The following NLGN1 variants were observed in gnomAD, a reference collection of about 807,000 sequenced individuals.
NLGN1 encodes the protein neuroligin-1.
NLGN1 carries 12 observed loss-of-function variants against 65.5 expected under a neutral mutation model. That is an observed-to-expected ratio of 0.18 (90% CI 0.12 to 0.30). The LOEUF (loss-of-function observed/expected upper bound fraction) is 0.30, where lower values mean the gene tolerates loss of function less well. Ranked by LOEUF, NLGN1 falls within the 10% of genes least tolerant of loss-of-function variation. The probability of loss-of-function intolerance (pLI) is 1.00; values close to 1 mark genes in which losing one functional copy is unlikely to be tolerated. For missense variants in NLGN1, 750 were observed against 1,007.1 expected, an observed-to-expected ratio of 0.74 and a Z score of 3.46; for synonymous variants, 350 against 359.5, an observed-to-expected ratio of 0.97 and a Z score of 0.30.
At chr3:173,666,197 T>C (rs560370583) in intron 3 of NLGN1, among the ~76,000 whole-genome samples, 1 of 152,044 alleles carries the variant, frequency 6.6e-6, no homozygotes, top group African/African-American at 2.4e-5. Flanking sequence ...AGTAAATATA[T>C]ATATATATAA....
At chr3:174,159,857 G>C (rs2152718249) in intron 4 of NLGN1, among the ~76,000 whole-genome samples, 1 of 151,696 alleles carries the variant, frequency 6.6e-6, no homozygotes, top group Non-Finnish European at 1.5e-5. Context: ...CCTTCGCTAG[G>C]CATTTAACAA....
chr3:173,489,233 C>A (rs911112336), intron 2 of NLGN1, among the ~76,000 whole-genome samples: 8 of 152,012 alleles, frequency 5.3e-5, no homozygotes, highest in African/African-American at 1.9e-4. Flanking sequence ...ATCCCTCCCC[C>A]TTACCCCCAC....
chr3:173,739,577 G>A (rs1215441779), intron 3 of NLGN1, among the ~76,000 whole-genome samples: 1 of 151,908 alleles, frequency 6.6e-6, no homozygotes, highest in Admixed American at 6.6e-5. Flanking sequence ...AGTCCTCCTG[G>A]AAAAGGTACT....
intron 2 of NLGN1, among the ~76,000 whole-genome samples, chr3:173,564,780 C>T (rs1426661625): frequency 2.1e-4 from 32 of 152,172 alleles, no homozygotes. Context: ...TTATTATAGC[C>T]TAACTGAACT....
At chr3:174,054,810 T>C (rs1735689997) in intron 4 of NLGN1, among the ~76,000 whole-genome samples, 1 of 152,054 alleles carries the variant, frequency 6.6e-6, no homozygotes, top group Non-Finnish European at 1.5e-5. Context: ...ATGTCCGATC[T>C]TATTTCTGTG....
intron 4 of NLGN1, among the ~76,000 whole-genome samples, chr3:173,875,385 T>C (rs1292546474): frequency 6.6e-6 from 1 of 152,204 alleles, no homozygotes; most frequent in East Asian, 1.9e-4. Flanking sequence ...TCACTTTTAG[T>C]CTATTCATTT....
chr3:173,943,986 A>T (rs1366343293), intron 4 of NLGN1, among the ~76,000 whole-genome samples: 1 of 152,228 alleles, frequency 6.6e-6, no homozygotes, highest in African/African-American at 2.4e-5. Flanking sequence ...AGAAATGCAG[A>T]TAATGAGTGA....
intron 4 of NLGN1, among the ~76,000 whole-genome samples, chr3:174,075,092 A>T (rs77722262): frequency 6.6e-6 from 1 of 152,150 alleles, no homozygotes; most frequent in Admixed American, 6.6e-5. Flanking sequence ...TGGATGAGCT[A>T]TAGATGTTAT....
chr3:173,827,055 C>T (rs915161988), intron 4 of NLGN1, among the ~76,000 whole-genome samples: 29 of 152,056 alleles, frequency 1.9e-4, no homozygotes, highest in African/African-American at 6.8e-4. Flanking sequence ...GGAAAGAATG[C>T]TCTAAAATGG....
At chr3:173,683,134 G>A (rs1764201876) in intron 3 of NLGN1, among the ~76,000 whole-genome samples, 1 of 151,926 alleles carries the variant, frequency 6.6e-6, no homozygotes, top group Admixed American at 6.6e-5. Context: ...AAATGCAGCT[G>A]GCATGTATTT....
intron 4 of NLGN1, among the ~76,000 whole-genome samples, chr3:173,960,396 A>G (rs1188978074): frequency 2.6e-5 from 4 of 152,008 alleles, no homozygotes; most frequent in Admixed American, 1.3e-4. Flanking sequence ...TTATTTTTCT[A>G]CTAATATCTA....
intron 4 of NLGN1, among the ~76,000 whole-genome samples, chr3:174,059,461 C>G (rs527560702): frequency 6.6e-5 from 10 of 152,190 alleles, no homozygotes; most frequent in South Asian, 4.1e-4. Flanking sequence ...GTTAAGTAAT[C>G]AAATTAGAGG....
intron 2 of NLGN1, among the ~76,000 whole-genome samples, chr3:173,473,954 CT>C (rs1725751850): frequency 6.6e-6 from 1 of 152,126 alleles, no homozygotes; most frequent in African/African-American, 2.4e-5. Flanking sequence ...GCTGCTTTTA[CT>C]TTATTAAATT....
intron 4 of NLGN1, among the ~76,000 whole-genome samples, chr3:174,237,850 C>A (rs1381770547): frequency 6.6e-6 from 1 of 152,136 alleles, no homozygotes; most frequent in Non-Finnish European, 1.5e-5. Context: ...AGCCACCACG[C>A]CTGGCCAGGA....
intron 3 of NLGN1, chr3:173,800,347 A>T: frequency 3.3e-6 from 4 of 1,205,470 alleles, no homozygotes; most frequent in Non-Finnish European, 4.3e-6. Context: ...GGTGCTGAAG[A>T]TGAAGGTATT....
chr3:173,947,665 C>T (rs1235686419), intron 4 of NLGN1, among the ~76,000 whole-genome samples: 1 of 152,030 alleles, frequency 6.6e-6, no homozygotes, highest in East Asian at 1.9e-4. Flanking sequence ...ACAATACAGG[C>T]ATGAAATATC....
At chr3:174,290,823 G>GA (rs1316704100), downstream of NLGN1, among the ~76,000 whole-genome samples, 1 of 150,834 alleles carries the variant, frequency 6.6e-6, no homozygotes, top group Non-Finnish European at 1.5e-5. Context: ...GGAGAGGACT[G>GA]AAAAATATAT....
intron 2 of NLGN1, among the ~76,000 whole-genome samples, chr3:173,519,758 A>G (rs1734452974): frequency 6.6e-6 from 1 of 150,566 alleles, no homozygotes; most frequent in Non-Finnish European, 1.5e-5. Context: ...CTTATCTCAG[A>G]TGAGAGTTTG....
intron 4 of NLGN1, among the ~76,000 whole-genome samples, chr3:174,233,486 C>CATAATAATAATA (rs57467873): frequency 5.4e-5 from 8 of 146,884 alleles, no homozygotes; most frequent in South Asian, 2.2e-4. Context: ...AACTCTGTCT[C>CATAATAATAATA]ATAATAATAA....
Sources: gnomAD v4.1 joint callset for allele counts (sites outside exome capture counted in the v4.1 genomes callset) on GRCh38, gnomAD v4.1.1 for gene constraint, MANE v1.5 for transcripts, NCBI Gene and HGNC (gene_info 2026-07-23, HGNC 2026-07-21) for gene names.